Variants in GNAO1 observed in about 807,000 individuals in gnomAD.
The protein encoded by GNAO1 is guanine nucleotide-binding protein G(o) subunit alpha.
For missense variants in GNAO1, 166 were observed against 478.7 expected, an observed-to-expected ratio of 0.35 and a Z score of 6.10; for synonymous variants, 164 against 180.7, an observed-to-expected ratio of 0.91 and a Z score of 0.74.
intron 2 of GNAO1, 39 bp from the exon 3 acceptor site, chr16:56,275,892 A>T (rs774491938): frequency 6.3e-7 from 1 of 1,576,870 alleles, no homozygotes; most frequent in Non-Finnish European, 8.6e-7. Context: ...GATGAGGACA[A>T]TGCTCTCATC....
intron 2 of GNAO1, among the ~76,000 whole-genome samples, chr16:56,200,349 G>A (rs144143762): frequency 9.1e-4 from 138 of 152,286 alleles, no homozygotes; most frequent in African/African-American, 2.6e-3. Flanking sequence ...GGAAGAATAC[G>A]AGGTATATAA....
intron 2 of GNAO1, among the ~76,000 whole-genome samples, chr16:56,256,712 CTCTCTCTGTGTGTGTG>C (rs778908063): frequency 0.011 from 1,248 of 115,958 alleles, 12 homozygotes; most frequent in South Asian, 0.069. Context: ...CTCTCTCTCT[CTCTCTCTGTGTGTGTG>C]TGTGTGTGTG....
intron 3 of GNAO1, among the ~76,000 whole-genome samples, chr16:56,278,340 C>T (rs2037083034): frequency 1.3e-5 from 2 of 152,220 alleles, no homozygotes; most frequent in South Asian, 2.1e-4. Flanking sequence ...GGGCAAAGGC[C>T]TCCCTGGCAC....
intron 2 of GNAO1, among the ~76,000 whole-genome samples, chr16:56,269,991 G>A (rs1477537317): frequency 6.6e-6 from 1 of 152,168 alleles, no homozygotes; most frequent in Non-Finnish European, 1.5e-5. Flanking sequence ...ACACTGCAAG[G>A]GGGAAGCAGA....
chr16:56,316,927 G>A (rs2143620207), intron 3 of GNAO1, among the ~76,000 whole-genome samples: 1 of 152,334 alleles, frequency 6.6e-6, no homozygotes, highest in Non-Finnish European at 1.5e-5. Flanking sequence ...GTTTCTGGGT[G>A]AAAACTTTCA....
intron 2 of GNAO1, chr16:56,226,352 G>A (rs1310021754): frequency 6.6e-6 from 1 of 152,208 alleles, no homozygotes; most frequent in Non-Finnish European, 1.5e-5. Flanking sequence ...GCCCTTGTTG[G>A]TAGAGCTTGC....
intron 3 of GNAO1, chr16:56,277,160 G>A (rs2037067604): frequency 6.6e-6 from 1 of 152,264 alleles, no homozygotes; most frequent in Admixed American, 6.5e-5. Flanking sequence ...CCAGGTACTG[G>A]GGAATTGGGT....
At chr16:56,235,133 A>G (rs1479248084) in intron 2 of GNAO1, 7 of 356,258 alleles carry the variant, frequency 2.0e-5, no homozygotes, top group Admixed American at 3.8e-5. Context: ...TTCGAAGAGG[A>G]GGAAGCAGCA....
intron 6 of GNAO1, chr16:56,340,368 G>A (rs1377880792): frequency 6.5e-6 from 1 of 153,400 alleles, no homozygotes; most frequent in Non-Finnish European, 1.5e-5. Flanking sequence ...TTAGTCCTCA[G>A]TTAATGTTTC....
At chr16:56,221,309 C>T (rs1199810220) in intron 2 of GNAO1, among the ~76,000 whole-genome samples, 2 of 152,064 alleles carry the variant, frequency 1.3e-5, no homozygotes, top group Non-Finnish European at 2.9e-5. Context: ...CAGAGGCAGT[C>T]TGGGGACCCA....
intron 3 of GNAO1, among the ~76,000 whole-genome samples, chr16:56,321,578 C>T (rs1237114755): frequency 2.6e-5 from 4 of 152,218 alleles, no homozygotes; most frequent in Admixed American, 6.5e-5. Context: ...AGCATGTGTC[C>T]ACCCCTAGAA....
intron 2 of GNAO1, among the ~76,000 whole-genome samples, chr16:56,249,959 A>C (rs540119186): frequency 2.0e-5 from 3 of 152,292 alleles, no homozygotes; most frequent in Admixed American, 2.0e-4. Flanking sequence ...TGCTTCTGCC[A>C]ATCAAGAGGA....
At chr16:56,309,698 T>C (rs1347440284) in intron 3 of GNAO1, among the ~76,000 whole-genome samples, 1 of 152,182 alleles carries the variant, frequency 6.6e-6, no homozygotes, top group East Asian at 1.9e-4. Flanking sequence ...TGAAGTGACC[T>C]GTTTCCAGTC....
chr16:56,307,152 A>G (rs565788532), intron 3 of GNAO1: 2 of 152,346 alleles, frequency 1.3e-5, no homozygotes, highest in South Asian at 4.1e-4. Flanking sequence ...GTTCTTATGC[A>G]GAGCGCCCAG....
intron 2 of GNAO1, chr16:56,193,556 A>G (rs1328957827): frequency 6.4e-6 from 1 of 156,002 alleles, no homozygotes. Flanking sequence ...TCCCCTCCTA[A>G]TTAACTGGGG....
chr16:56,289,815 A>G (rs2037212404), intron 3 of GNAO1, among the ~76,000 whole-genome samples: 1 of 152,132 alleles, frequency 6.6e-6, no homozygotes, highest in African/African-American at 2.4e-5. Context: ...GTCCCATGGT[A>G]CCATTGGGGT....
At position 56,354,766 on chromosome 16, in the gene GNAO1, T is replaced by C. The variant is rs936395017; in HGVS notation, c.878-100T>C. ...TCCCTTCCTGTCTCATCCCACTTCC[T>C]GGGACACGCCACAACCCACTTCTTG... On this transcript the variant is annotated intron_variant, in intron 7 of 8. Transcript: ENST00000262493. The surrounding 1 kb of genome is among the most constrained non-coding windows in gnomAD (Gnocchi z 4.3). 2 of 691,742 alleles carry C rather than the reference T, an allele frequency of 2.9e-6. No homozygotes were observed. Among genetic ancestry groups the C allele is most frequent in the South Asian group, 3.6e-5 (2 of 55,436 alleles). The allele number at this position is 691,742 out of a possible 1,614,324, so 42.9% of individuals were successfully genotyped here. A position where few individuals can be genotyped will look rare whatever the true frequency, so the allele number is the denominator to read the frequency against.
Position 56,191,785 on chromosome 16 carries a change from G to A in GNAO1, c.-451G>A, listed in dbSNP as rs564867328. On this transcript the variant is annotated 5_prime_UTR_variant, in exon 1 of 9. Transcript: ENST00000262493. The surrounding 1 kb of genome is among the most constrained non-coding windows in gnomAD (Gnocchi z 4.7). ...CGCCGCCTCCTCCACCTCCTCCTCC[G>A]CCGCCGCCGCCTCCTCCTCCTCCGG... The A allele has an allele frequency of 4.3e-5, 9 of 207,112 alleles. No homozygotes were observed. Among genetic ancestry groups the A allele is most frequent in the Admixed American group, 1.1e-4 (2 of 17,644 alleles). 12.8% of individuals were successfully genotyped at this position (207,112 alleles called of 1,614,324 possible).
At chr16:56,199,986 G>A (rs2036267873) in intron 2 of GNAO1, among the ~76,000 whole-genome samples, 1 of 152,164 alleles carries the variant, frequency 6.6e-6, no homozygotes, top group Non-Finnish European at 1.5e-5. Flanking sequence ...AAAGAGAAAG[G>A]GAGAATAATA....
Sources: gnomAD v4.1 joint callset for allele counts (sites outside exome capture counted in the v4.1 genomes callset) on GRCh38, gnomAD v4.1.1 for gene constraint, Gnocchi (gnomAD v3.1) non-coding constraint, MANE v1.5 for transcripts, NCBI Gene and HGNC (gene_info 2026-07-23, HGNC 2026-07-21) for gene names.